CCDC66: variants seen among roughly 807,000 people sequenced by gnomAD.
The protein encoded by CCDC66 is coiled-coil domain containing 66, also known as coiled-coil domain-containing protein 66.
CCDC66 carries 133 observed loss-of-function variants against 128.3 expected under a neutral mutation model. The observed-to-expected ratio is 1.04, with a 90% CI of 0.90 to 1.20. CCDC66 has a LOEUF of 1.20. CCDC66 is among the 50% of genes most tolerant of loss of function. CCDC66 has a pLI of 0.00. For synonymous variants in CCDC66, 387 were observed against 357.0 expected, an observed-to-expected ratio of 1.08 and a Z score of -0.95; for missense variants, 1,126 against 1,075.5, an observed-to-expected ratio of 1.05 and a Z score of -0.66.
Position 56,598,122 on chromosome 3 carries a change from C to T in CCDC66, c.1404+4094C>T, listed in dbSNP as rs146190038. 2.2e-3 allele frequency among the ~76,000 whole-genome samples: 270 copies of T among 123,636 alleles called. 3 individuals carry two copies. The highest frequency in any genetic ancestry group is 9.7e-3 in the East Asian group (46 of 4,746). The allele number at this position is 123,636 out of a possible 152,430, so 81.1% of individuals were successfully genotyped here. A position where few individuals can be genotyped will look rare whatever the true frequency, so the allele number is the denominator to read the frequency against. On this transcript the variant is annotated intron_variant, in intron 10 of 17. Coordinates refer to ENST00000394672, the MANE Select transcript of CCDC66 (RefSeq NM_001141947.3). ...AAGATGATAACATCAGCAAAGGGGA[C>T]GTTTTGATTTTAGTTTGTTTTGTTT...
chr3:56,595,626 TTTTG>T (rs2071739672), intron 10 of CCDC66, among the ~76,000 whole-genome samples: 1 of 152,218 alleles, frequency 6.6e-6, no homozygotes, highest in South Asian at 2.1e-4. Context: ...ATATACCACA[TTTTG>T]TTTATCTATT....
intron 10 of CCDC66, among the ~76,000 whole-genome samples, chr3:56,606,857 T>C (rs2074145968): frequency 6.6e-6 from 1 of 152,070 alleles, no homozygotes; most frequent in South Asian, 2.1e-4. Context: ...TTCTCCTATA[T>C]GTGGCTAGCC....
chr3:56,597,894 C>T (rs1196822947), intron 10 of CCDC66, among the ~76,000 whole-genome samples: 2 of 150,584 alleles, frequency 1.3e-5, no homozygotes, highest in Middle Eastern at 3.2e-3. Flanking sequence ...CCTGCCTCAG[C>T]CTTCCAAGTA....
chr3:56,580,481 G>C (rs1450755941), intron 7 of CCDC66, among the ~76,000 whole-genome samples: 1 of 151,784 alleles, frequency 6.6e-6, no homozygotes, highest in Non-Finnish European at 1.5e-5. Context: ...TTGCTCATTA[G>C]TTGATGCAGT....
chr3:56,567,141 C>A, intron 6 of CCDC66, 88 bp downstream of exon 6: 1 of 990,312 alleles, frequency 1.0e-6, no homozygotes, highest in Non-Finnish European at 1.6e-6. Context: ...CCTGTAATAC[C>A]AGCACTTTGG....
At chr3:56,610,290 T>C (rs1344747882) in intron 10 of CCDC66, among the ~76,000 whole-genome samples, 1 of 152,152 alleles carries the variant, frequency 6.6e-6, no homozygotes, top group Non-Finnish European at 1.5e-5. Context: ...TTCCAGAGCA[T>C]TTCATATTTC....
chr3:56,597,530 T>A (rs549984916), intron 10 of CCDC66, among the ~76,000 whole-genome samples: 1 of 152,218 alleles, frequency 6.6e-6, no homozygotes, highest in African/African-American at 2.4e-5. Flanking sequence ...GCCATTTGTT[T>A]GTATCCTCTT....
chr3:56,578,459 G>A (rs112003376), intron 7 of CCDC66, among the ~76,000 whole-genome samples: 2,037 of 151,922 alleles, frequency 0.013, 49 homozygotes, highest in African/African-American at 0.045. Flanking sequence ...AATAGGAGTG[G>A]AGAGAGAGGG....
At chr3:56,613,780 GGTTTTT>G in intron 11 of CCDC66, 30 bp downstream of exon 11, 2 of 1,580,836 alleles carry the variant, frequency 1.3e-6, no homozygotes, top group Non-Finnish European at 1.7e-6. Flanking sequence ...TTGTAACTTT[GGTTTTT>G]GTTTGTGTTT....
chr3:56,621,528 T>TCA lies in CCDC66; in HGVS notation c.2761-3_2761-2dup. 1 of 1,580,076 alleles carries TCA rather than the reference T, an allele frequency of 6.3e-7. No homozygotes were observed. The highest frequency in any genetic ancestry group is 8.6e-7 in the Non-Finnish European group (1 of 1,163,102). On this transcript the variant is annotated splice_region_variant and splice_polypyrimidine_tract_variant and intron_variant, in intron 17 of 17. Transcript: ENST00000394672. ...CTAACAAACATATATCAATGTGATTTCAGGGCCTTCTCCAGAAGCAAAAGG... is the reference window on the plus strand; with the variant it reads ...CTAACAAACATATATCAATGTGATTTCACAGGGCCTTCTCCAGAAGCAAAAGG...
chr3:56,618,321 G>A, intron 15 of CCDC66, 109 bp downstream of exon 15: 1 of 992,622 alleles, frequency 1.0e-6, no homozygotes, highest in Non-Finnish European at 1.5e-6. Context: ...AGAACAATCA[G>A]AAAGGGTGTG....
rs2106934209 is a variant in CCDC66, at chr3:56,592,987, G to A, written c.954G>A (p.Glu318=). The A allele has an allele frequency of 6.2e-7, 1 of 1,609,838 alleles. No homozygotes were observed. The highest frequency in any genetic ancestry group is 8.5e-7 in the Non-Finnish European group (1 of 1,178,918). ...LDQSRETVLL[E]HPFSAVKQEL... is the part of the protein sequence containing the mutation. ...TTGTTTAGGAAACAGTACTGCTGGA[G>A]CACCCTTTCAGTGCTGTGAAACAAG... Residue 318 remains glutamate (E), a synonymous_variant, in exon 8 of 18, where the codon GAG becomes GAA. Transcript: ENST00000394672.
chr3:56,602,180 G>A (rs1413499026), intron 10 of CCDC66, among the ~76,000 whole-genome samples: 3 of 151,988 alleles, frequency 2.0e-5, no homozygotes, highest in Non-Finnish European at 4.4e-5. Flanking sequence ...TAGCATGAAG[G>A]GATGTTGAAT....
intron 10 of CCDC66, among the ~76,000 whole-genome samples, chr3:56,596,780 A>G (rs1327344390): frequency 1.9e-4 from 16 of 85,028 alleles, no homozygotes; most frequent in African/African-American, 6.8e-4. Flanking sequence ...TTTTTTTTTG[A>G]AGTGGAGTCT....
intron 6 of CCDC66, among the ~76,000 whole-genome samples, chr3:56,567,979 C>T (rs946729574): frequency 1.3e-5 from 2 of 152,092 alleles, no homozygotes; most frequent in Admixed American, 6.6e-5. Context: ...CGTGAGCCAC[C>T]ACGCCCGGCC....
intron 17 of CCDC66, chr3:56,620,577 T>C (rs933005013): frequency 2.0e-5 from 3 of 152,220 alleles, no homozygotes; most frequent in East Asian, 3.8e-4. Context: ...CATTTCAAAA[T>C]GTTGACTCAG....
intron 12 of CCDC66, 77 bp from the exon 13 acceptor site, chr3:56,615,845 G>C: frequency 8.1e-7 from 1 of 1,239,586 alleles, no homozygotes; most frequent in Non-Finnish European, 1.1e-6. Flanking sequence ...GAAAATTATT[G>C]TATTTAGTTG....
At chr3:56,566,563 T>C (rs1451307117) in intron 4 of CCDC66, 31 bp from the exon 5 acceptor site, 5 of 1,389,722 alleles carry the variant, frequency 3.6e-6, no homozygotes, top group Non-Finnish European at 5.1e-6. Flanking sequence ...TAATTTAGTG[T>C]TAATTTTAAA....
At chr3:56,606,709 C>T (rs1166813727) in intron 10 of CCDC66, among the ~76,000 whole-genome samples, 2 of 151,876 alleles carry the variant, frequency 1.3e-5, no homozygotes, top group Non-Finnish European at 2.9e-5. Flanking sequence ...AGCTACAGAC[C>T]GGAGCTCTTC....
Sources: gnomAD v4.1 joint callset for allele counts (sites outside exome capture counted in the v4.1 genomes callset) on GRCh38, gnomAD v4.1.1 for gene constraint, MANE v1.5 for transcripts, NCBI Gene and HGNC (gene_info 2026-07-23, HGNC 2026-07-21) for gene names.